Variants in TAFA2 observed in about 807,000 individuals in gnomAD.
TAFA2 encodes the protein TAFA chemokine like family member 2, also known as chemokine-like protein TAFA-2.
A neutral mutation model predicts 18.8 loss-of-function variants in TAFA2; 7 were observed. The ratio of observed to expected loss-of-function variants is 0.37; its 90% CI spans 0.21 to 0.70. The LOEUF is 0.70. Among genes scored for constraint, TAFA2 ranks in the 30% least tolerant of loss-of-function variants. The pLI is 0.53. For synonymous variants in TAFA2, 60 were observed against 54.2 expected, an observed-to-expected ratio of 1.11 and a Z score of -0.47; for missense variants, 122 against 158.1, an observed-to-expected ratio of 0.77 and a Z score of 1.23.
chr12:62,215,060 T>C (rs1192407837), intron 1 of TAFA2, among the ~76,000 whole-genome samples: 1 of 152,192 alleles, frequency 6.6e-6, no homozygotes, highest in Non-Finnish European at 1.5e-5. Flanking sequence ...GTTGTGCAAC[T>C]CTCACCTAAG....
At chr12:61,806,326 G>A (rs1035815477) in intron 2 of TAFA2, among the ~76,000 whole-genome samples, 8 of 152,078 alleles carry the variant, frequency 5.3e-5, no homozygotes, top group African/African-American at 1.9e-4. Flanking sequence ...TTTTAAGGGG[G>A]AGTTTCCCTG....
At chr12:62,178,558 G>A (rs146946489) in intron 1 of TAFA2, among the ~76,000 whole-genome samples, 17 of 152,130 alleles carry the variant, frequency 1.1e-4, no homozygotes, top group African/African-American at 3.9e-4. Context: ...AAGATTCCCA[G>A]ATTAGAGACA....
intron 2 of TAFA2, among the ~76,000 whole-genome samples, chr12:61,832,462 G>A (rs1872755623): frequency 6.6e-6 from 1 of 152,050 alleles, no homozygotes; most frequent in Non-Finnish European, 1.5e-5. Context: ...ATTCCAGGCA[G>A]TCATTCAAGT....
intron 1 of TAFA2, among the ~76,000 whole-genome samples, chr12:62,182,328 A>G (rs2062557901): frequency 6.6e-6 from 1 of 152,214 alleles, no homozygotes; most frequent in Admixed American, 6.5e-5. Flanking sequence ...GCTCCTATGA[A>G]AGAGCCTATG....
chr12:62,026,294 C>T (rs537227403), intron 1 of TAFA2, among the ~76,000 whole-genome samples: 38 of 152,208 alleles, frequency 2.5e-4, no homozygotes, highest in Middle Eastern at 3.4e-3. Context: ...GTCAGAGTCA[C>T]GTAAAGAAGA....
At chr12:61,995,573 G>A (rs1430254619) in intron 1 of TAFA2, among the ~76,000 whole-genome samples, 3 of 152,086 alleles carry the variant, frequency 2.0e-5, no homozygotes, top group Admixed American at 6.6e-5. Context: ...GTCTTTCCAT[G>A]GCTAACATTG....
chr12:61,802,560 G>A (rs974378824), intron 2 of TAFA2, among the ~76,000 whole-genome samples: 1 of 151,912 alleles, frequency 6.6e-6, no homozygotes, highest in Non-Finnish European at 1.5e-5. Flanking sequence ...AGTGTTGAGG[G>A]CATAGAAGTG....
chr12:61,902,091 TAAAAAAAA>T (rs750989820), intron 1 of TAFA2, among the ~76,000 whole-genome samples: 2 of 116,468 alleles, frequency 1.7e-5, no homozygotes, highest in African/African-American at 7.2e-5. Context: ...GCAGGAATGT[TAAAAAAAA>T]AAAAAAAAAA....
intron 2 of TAFA2, among the ~76,000 whole-genome samples, chr12:61,799,313 A>G (rs186293435): frequency 1.7e-3 from 262 of 152,282 alleles, no homozygotes; most frequent in African/African-American, 6.0e-3. Flanking sequence ...AAGTCACACT[A>G]TAAGTGTTAT....
In TAFA2 at chr12:61,742,702, C is replaced by T. The variant is rs549889041; in HGVS notation, c.384+10920G>A. 5.3e-5 allele frequency among the ~76,000 whole-genome samples: 8 copies of T among 152,214 alleles called. No homozygotes were observed. In the South Asian group the frequency reaches 1.7e-3, roughly 32 times the overall value. On this transcript the variant is annotated intron_variant, in intron 4 of 4. Transcript: ENST00000416284. ...CCTCTAGAGCTATATATCAAATTAT[C>T]CTCCAGATATCTCTACCTCATAGTC...
chr12:61,722,116 A>C (rs1194925501), intron 4 of TAFA2, among the ~76,000 whole-genome samples: 1 of 152,180 alleles, frequency 6.6e-6, no homozygotes, highest in African/African-American at 2.4e-5. Context: ...TTGGCTATTA[A>C]TAGTAATTTA....
chr12:61,797,009 T>C (rs1592395013), intron 2 of TAFA2, among the ~76,000 whole-genome samples: 1 of 152,316 alleles, frequency 6.6e-6, no homozygotes, highest in East Asian at 1.9e-4. Flanking sequence ...TCAATCAGTC[T>C]ATTAGTTACA....
At chr12:61,759,982 G>A (rs1027252433) in intron 2 of TAFA2, among the ~76,000 whole-genome samples, 1 of 151,274 alleles carries the variant, frequency 6.6e-6, no homozygotes, top group Non-Finnish European at 1.5e-5. Flanking sequence ...CTCCTTCAGA[G>A]AGCATGATGC....
At chr12:62,180,716 A>T (rs2062546435) in intron 1 of TAFA2, among the ~76,000 whole-genome samples, 1 of 152,194 alleles carries the variant, frequency 6.6e-6, no homozygotes, top group African/African-American at 2.4e-5. Context: ...ACTAAATAGC[A>T]TTTAGAATTA....
intron 1 of TAFA2, among the ~76,000 whole-genome samples, chr12:61,972,538 G>A (rs1203899830): frequency 1.3e-5 from 2 of 151,622 alleles, no homozygotes; most frequent in East Asian, 1.9e-4. Flanking sequence ...AACCCTGACT[G>A]ATGATATGCA....
intron 1 of TAFA2, among the ~76,000 whole-genome samples, chr12:62,175,659 G>C (rs2136945638): frequency 6.6e-6 from 1 of 151,990 alleles, no homozygotes; most frequent in South Asian, 2.1e-4. Flanking sequence ...TTACATTGTT[G>C]TTTTCTATGA....
rs1016614401 is a variant in TAFA2, at chr12:62,180,801, CA to C, written c.-2+10457del. On this transcript the variant is annotated intron_variant, in intron 1 of 4. Transcript: ENST00000416284. ...TGGTCAATAATGTTTCTGAAGTTAA[CA>C]AAAAAAAAGCAAATCCCAGTTCATG... 4.5e-5 allele frequency among the ~76,000 whole-genome samples: 6 copies of C among 133,478 alleles called. No homozygotes were observed. In the East Asian group the frequency reaches 9.8e-4, roughly 22 times the overall value. 87.6% of individuals were successfully genotyped at this position (133,478 alleles called of 152,430 possible).
chr12:62,147,326 GTATATA>G (rs1219861920), intron 1 of TAFA2, among the ~76,000 whole-genome samples: 517 of 19,492 alleles, frequency 0.027, 8 homozygotes, highest in African/African-American at 0.061. Context: ...GTGTATGTAT[GTATATA>G]TATATATATA....
chr12:62,147,729 CAAAAAAAAA>C (rs10552283), intron 1 of TAFA2, among the ~76,000 whole-genome samples: 3 of 76,376 alleles, frequency 3.9e-5, no homozygotes, highest in African/African-American at 1.1e-4. Context: ...GACTCTGTCT[CAAAAAAAAA>C]AAAAAAAAAA....
Sources: allele counts gnomAD v4.1 joint callset (sites outside exome capture counted in the v4.1 genomes callset), GRCh38; gene constraint gnomAD v4.1.1; transcripts MANE v1.5; gene names NCBI Gene and HGNC (gene_info 2026-07-23, HGNC 2026-07-21).